Variants in PEAK1 observed in about 807,000 individuals in gnomAD.
The protein encoded by PEAK1 is pseudopodium enriched atypical kinase 1.
A neutral mutation model predicts 124.7 loss-of-function variants in PEAK1; 54 were observed. The observed-to-expected ratio is 0.43, with a 90% CI of 0.35 to 0.54. The LOEUF is 0.54. Ranked by LOEUF, PEAK1 falls within the 20% of genes least tolerant of loss-of-function variation. The pLI is 0.01. For missense variants in PEAK1, 2,046 were observed against 2,134.5 expected, an observed-to-expected ratio of 0.96 and a Z score of 0.82; for synonymous variants, 719 against 760.0, an observed-to-expected ratio of 0.95 and a Z score of 0.89.
intron 2 of PEAK1, among the ~76,000 whole-genome samples, chr15:77,344,138 A>T (rs756343927): frequency 1.3e-5 from 2 of 152,146 alleles, no homozygotes; most frequent in African/African-American, 2.4e-5. Flanking sequence ...TCTGTCGCCC[A>T]GGCTAAAGTG....
chr15:77,363,770 T>A (rs1395697045), intron 2 of PEAK1, among the ~76,000 whole-genome samples: 1 of 152,128 alleles, frequency 6.6e-6, no homozygotes, highest in Non-Finnish European at 1.5e-5. Context: ...AAACTTTATG[T>A]TAAATGAAAG....
intron 7 of PEAK1, among the ~76,000 whole-genome samples, chr15:77,169,089 T>G (rs1008767260): frequency 3.3e-5 from 5 of 152,162 alleles, no homozygotes; most frequent in African/African-American, 1.2e-4. Flanking sequence ...GAATTAAATT[T>G]TAGTTCATAT....
chr15:77,270,167 A>C (rs967258475), intron 5 of PEAK1, among the ~76,000 whole-genome samples: 1 of 152,204 alleles, frequency 6.6e-6, no homozygotes, highest in Non-Finnish European at 1.5e-5. Context: ...CCCACAGCCA[A>C]TATCATACTG....
At chr15:77,265,029 T>C (rs1031853368) in intron 5 of PEAK1, among the ~76,000 whole-genome samples, 2 of 152,154 alleles carry the variant, frequency 1.3e-5, no homozygotes, top group Non-Finnish European at 2.9e-5. Flanking sequence ...TAATAAATGG[T>C]GCTGGGAAAA....
chr15:77,108,173 TA>T lies in PEAK1; in HGVS notation c.*5982del, dbSNP rs2050788375. The T allele has an allele frequency of 6.6e-6, 1 of 152,232 alleles. No homozygotes were observed. The highest frequency in any genetic ancestry group is 1.5e-5 in the Non-Finnish European group (1 of 68,050). 9.4% of individuals were successfully genotyped at this position (152,232 alleles called of 1,614,324 possible). Reference sequence around the variant, plus strand: ...CATTTGTCTGTTTTTTAGTGTGTATTAAAATGAATTTATTTACACAGTAACA... The same window carrying T: ...CATTTGTCTGTTTTTTAGTGTGTATTAAATGAATTTATTTACACAGTAACA... On this transcript the variant is annotated 3_prime_UTR_variant, in exon 10 of 10. Transcript: ENST00000682557.
At chr15:77,219,883 A>T (rs1382519927) in intron 6 of PEAK1, among the ~76,000 whole-genome samples, 1 of 152,166 alleles carries the variant, frequency 6.6e-6, no homozygotes. Flanking sequence ...ATACCCTAGT[A>T]ATTTTATATG....
At chr15:77,310,873 G>A (rs954030730) in intron 2 of PEAK1, among the ~76,000 whole-genome samples, 10 of 152,188 alleles carry the variant, frequency 6.6e-5, no homozygotes, top group Non-Finnish European at 1.0e-4. Context: ...AGGGAGCATA[G>A]TATGTTTAAA....
At chr15:77,157,515 T>C (rs1296722922) in intron 8 of PEAK1, 1 of 152,256 alleles carries the variant, frequency 6.6e-6, no homozygotes, top group Non-Finnish European at 1.5e-5. Context: ...TGCAGAATCT[T>C]TGCATTGGCA....
At chr15:77,335,072 G>A in intron 2 of PEAK1, 2 of 985,416 alleles carry the variant, frequency 2.0e-6, no homozygotes, top group Non-Finnish European at 1.2e-6. Context: ...CTAGGGAGGT[G>A]CTATAAGCAA....
At chr15:77,389,174 G>A (rs1284846430) in intron 1 of PEAK1, among the ~76,000 whole-genome samples, 3 of 151,952 alleles carry the variant, frequency 2.0e-5, no homozygotes, top group East Asian at 1.9e-4. Flanking sequence ...GGCTGATCTC[G>A]AACTCCTGGG....
At chr15:77,344,226 T>G (rs1163220649) in intron 2 of PEAK1, among the ~76,000 whole-genome samples, 1 of 152,074 alleles carries the variant, frequency 6.6e-6, no homozygotes, top group Admixed American at 6.6e-5. Context: ...TTCTGAGTAG[T>G]TGGGACTACA....
At chr15:77,248,808 T>G (rs985073297) in intron 6 of PEAK1, among the ~76,000 whole-genome samples, 5 of 151,784 alleles carry the variant, frequency 3.3e-5, no homozygotes, top group African/African-American at 9.7e-5. Flanking sequence ...TATATTTTAT[T>G]TTATTTTATT....
chr15:77,135,840 A>C (rs1427216261), intron 8 of PEAK1, among the ~76,000 whole-genome samples: 2 of 152,118 alleles, frequency 1.3e-5, no homozygotes, highest in Non-Finnish European at 2.9e-5. Context: ...TGGAACTGTT[A>C]AGTCCAATAA....
chr15:77,372,941 G>C (rs1047376735), intron 1 of PEAK1, among the ~76,000 whole-genome samples: 12 of 152,084 alleles, frequency 7.9e-5, no homozygotes, highest in Non-Finnish European at 1.6e-4. Flanking sequence ...AGCCTCACCA[G>C]AACCCTAGCA....
chr15:77,335,185 C>A, intron 2 of PEAK1: 2 of 985,412 alleles, frequency 2.0e-6, no homozygotes, highest in South Asian at 9.4e-5. Flanking sequence ...GTTTACTGTC[C>A]CTCCCAACTT....
intron 6 of PEAK1, among the ~76,000 whole-genome samples, chr15:77,195,870 T>C (rs1392006944): frequency 2.0e-5 from 3 of 152,228 alleles, no homozygotes; most frequent in Non-Finnish European, 4.4e-5. Flanking sequence ...TCCCCTCAAA[T>C]GAGTGCCCAC....
chr15:77,221,680 C>T (rs1338600534), intron 6 of PEAK1, among the ~76,000 whole-genome samples: 2 of 152,034 alleles, frequency 1.3e-5, no homozygotes, highest in Non-Finnish European at 2.9e-5. Flanking sequence ...ATAAGAAAAC[C>T]AGTTAATGTG....
chr15:77,258,734 T>C (rs1456011483), intron 5 of PEAK1, among the ~76,000 whole-genome samples: 3 of 152,188 alleles, frequency 2.0e-5, no homozygotes, highest in Admixed American at 1.3e-4. Context: ...TCCTGCCTGA[T>C]TGCCCTGGCC....
chr15:77,123,214 AT>A (rs2052076870), intron 9 of PEAK1, among the ~76,000 whole-genome samples: 2 of 152,200 alleles, frequency 1.3e-5, no homozygotes, highest in African/African-American at 4.8e-5. Flanking sequence ...TAAAAAATTT[AT>A]ACTTTTTGCT....
Sources: allele counts gnomAD v4.1 joint callset (sites outside exome capture counted in the v4.1 genomes callset), GRCh38; gene constraint gnomAD v4.1.1; transcripts MANE v1.5; gene names NCBI Gene and HGNC (gene_info 2026-07-23, HGNC 2026-07-21).